Variants in USP42 observed in about 807,000 individuals in gnomAD.
USP42 encodes ubiquitin specific peptidase 42, also known as ubiquitin carboxyl-terminal hydrolase 42.
Under a neutral mutation model 113.0 loss-of-function variants are expected in USP42, and 23 were observed. The observed-to-expected ratio is 0.20, with a 90% CI of 0.15 to 0.29. The LOEUF is 0.29. Ranked by LOEUF, USP42 falls within the 10% of genes least tolerant of loss-of-function variation. The pLI, the probability that USP42 is intolerant of heterozygous loss-of-function variation, is 1.00. For synonymous variants in USP42, 933 were observed against 699.0 expected (o/e 1.33, Z -5.28); for missense variants, 2,174 against 1,779.8 (o/e 1.22, Z -3.99).
At position 6,131,989 on chromosome 7, in the gene USP42, G is replaced by A. The variant is rs189449046; in HGVS notation, c.443-3852G>A. On this transcript the variant is annotated intron_variant, in intron 3 of 17. Transcript: ENST00000306177. ...TCACTCTCACCCAGGCTAGAGTGCA[G>A]TGGTGTGATTATAGCTCATTGCAGC... 3.9e-5 allele frequency among the ~76,000 whole-genome samples: 6 copies of A among 152,328 alleles called. 1 individual carries two copies. The highest frequency in any genetic ancestry group is 1.3e-4 in the Admixed American group (2 of 15,298).
At chr7:6,103,246 A>G (rs1424918919), upstream of USP42, among the ~76,000 whole-genome samples, 2 of 151,020 alleles carry the variant, frequency 1.3e-5, no homozygotes, top group Non-Finnish European at 2.9e-5. Context: ...GTACAATGCT[A>G]GGATTTGAGA....
chr7:6,148,630 G>A lies in USP42; in HGVS notation c.1386+738G>A, dbSNP rs190856671. ...TACTCCCTGTTGGTCCTGTCGGGGCGAACAGTAGTGAGCTAGTGTCACAAG... is the reference window on the plus strand; with the variant it reads ...TACTCCCTGTTGGTCCTGTCGGGGCAAACAGTAGTGAGCTAGTGTCACAAG... On this transcript the variant is annotated intron_variant, in intron 12 of 17. Transcript: ENST00000306177. 1.9e-3 allele frequency among the ~76,000 whole-genome samples: 287 copies of A among 152,300 alleles called. 5 individuals are homozygous for A. Among genetic ancestry groups the A allele is most frequent in the Non-Finnish European group, 6.5e-4 (44 of 68,028 alleles).
chr7:6,153,883 C>T lies in USP42; in HGVS notation c.2329C>T (p.Pro777Ser), dbSNP rs779174997. ...AGLSSTKKAPPPRDPGTPATK... is the reference protein window; with the variant it reads ...AGLSSTKKAPSPRDPGTPATK... ...CCTCAGCAGCACCAAGAAGGCTCCG[C>T]CGCCCCGCGATCCCGGCACCCCCGC... is the stretch of plus-strand genomic sequence containing the variant. The change falls in exon 15 of 18, where the codon CCG (proline) becomes TCG (serine). Residue 777 changes from proline (P) to serine (S), a missense_variant. By Grantham distance (74) the Pro-to-Ser change is moderately conservative. Transcript: ENST00000306177. 6 of 1,569,114 alleles carry T rather than the reference C, an allele frequency of 3.8e-6. No homozygotes were observed. The highest frequency in any genetic ancestry group is 4.8e-5 in the East Asian group (2 of 41,784).
intron 3 of USP42, among the ~76,000 whole-genome samples, chr7:6,129,953 T>C (rs1459767108): frequency 6.6e-6 from 1 of 152,078 alleles, no homozygotes; most frequent in African/African-American, 2.4e-5. Context: ...GTTCTCAGTA[T>C]GATGAGTGAT....
In USP42 at chr7:6,154,582, G is replaced by A. The variant is rs143294703; in HGVS notation, c.3028G>A (p.Glu1010Lys). The change falls in exon 15 of 18, where the codon GAG becomes AAG. Residue 1010 changes from glutamate (E) to lysine (K), a missense_variant. Coordinates refer to ENST00000306177, the MANE Select transcript of USP42 (RefSeq NM_032172.3). Reference protein sequence around the residue: ...PGHGDRLSPGERRSLGRCSHH... With the variant: ...PGHGDRLSPGKRRSLGRCSHH... ...CCACGGCGACAGGCTCAGCCCTGGCGAGCGCCGCTCTCTGGGCAGGTGCAG... is the reference window on the plus strand; with the variant it reads ...CCACGGCGACAGGCTCAGCCCTGGCAAGCGCCGCTCTCTGGGCAGGTGCAG... 0.013 allele frequency: 20,300 copies of A among 1,565,388 alleles called. 165 individuals are homozygous for A. Among genetic ancestry groups the A allele is most frequent in the Non-Finnish European group, 0.016 (18,576 of 1,157,764 alleles).
rs1258065923 is a variant in USP42, at chr7:6,159,059, C to T, written c.3944-391C>T. ...GCCTTTCTTGTCCTTCTGAGAAGGCCGCTGCCCGGCCCCGCCTCACCCAGC... is the reference window on the plus strand; with the variant it reads ...GCCTTTCTTGTCCTTCTGAGAAGGCTGCTGCCCGGCCCCGCCTCACCCAGC... On this transcript the variant is annotated intron_variant, in intron 16 of 17. Coordinates refer to ENST00000306177, the MANE Select transcript of USP42 (RefSeq NM_032172.3). This position sits in a 1 kb window ranked among gnomAD's most constrained non-coding sequence, Gnocchi z 4.1. 1.3e-5 allele frequency among the ~76,000 whole-genome samples: 2 copies of T among 152,148 alleles called. No individual in the cohort carries two copies. The highest frequency in any genetic ancestry group is 2.9e-5 in the Non-Finnish European group (2 of 68,026).
rs1780439563 is a variant in USP42 at position 6,124,856 on chromosome 7, C to T, written c.442+9333C>T. Among the ~76,000 whole-genome samples, 3 of 151,790 alleles carry T rather than the reference C, an allele frequency of 2.0e-5. No homozygotes were observed. The South Asian group carries it at 6.2e-4, about 32-fold the overall frequency. ...TCATGGTGGTTACTTTAGGTTATAT[C>T]TTTAACGTATCAGTTTACCTTCAAA... On this transcript the variant is annotated intron_variant, in intron 3 of 17. Transcript: ENST00000306177.
chr7:6,135,229 T>G (rs1400695866), intron 3 of USP42, among the ~76,000 whole-genome samples: 1 of 152,180 alleles, frequency 6.6e-6, no homozygotes, highest in Non-Finnish European at 1.5e-5. Flanking sequence ...AAGAGTATGA[T>G]TTGAATCCAA....
intron 9 of USP42, 132 bp downstream of exon 9, chr7:6,144,328 A>C (rs1781586881): frequency 1.6e-6 from 1 of 619,962 alleles, no homozygotes; most frequent in Admixed American, 3.8e-5. Flanking sequence ...TTTGGGCTTC[A>C]TTGTCTGTTT....
At chr7:6,125,956 A>G (rs1489194739) in intron 3 of USP42, among the ~76,000 whole-genome samples, 1 of 152,086 alleles carries the variant, frequency 6.6e-6, no homozygotes, top group Admixed American at 6.6e-5. Flanking sequence ...AACCTCCCCC[A>G]GTGATAACAC....
At chr7:6,111,937 A>G (rs2128477492) in intron 2 of USP42, 1 of 152,818 alleles carries the variant, frequency 6.5e-6, no homozygotes, top group East Asian at 1.9e-4. Context: ...TTTTTTAAGA[A>G]TAAACTTTAT....
intron 3 of USP42, among the ~76,000 whole-genome samples, chr7:6,132,764 C>T (rs530739245): frequency 2.6e-4 from 39 of 151,950 alleles, no homozygotes; most frequent in African/African-American, 7.0e-4. Flanking sequence ...CTCCGCCTCC[C>T]GGGTTCACGC....
At chr7:6,132,732 C>T (rs746597902) in intron 3 of USP42, among the ~76,000 whole-genome samples, 3 of 148,962 alleles carry the variant, frequency 2.0e-5, no homozygotes, top group East Asian at 2.0e-4. Context: ...AGTGCAGCGT[C>T]GAGATCTCGG....
chr7:6,085,251 C>G, the USP42 span: 2 of 150,510 alleles, frequency 1.3e-5, no homozygotes, highest in Admixed American at 1.3e-4. Flanking sequence ...TCCAGAGTAG[C>G]TGGGACTACA....
upstream of USP42, among the ~76,000 whole-genome samples, chr7:6,101,925 A>C (rs1303420447): frequency 2.7e-5 from 2 of 73,336 alleles, no homozygotes; most frequent in Admixed American, 1.4e-4. Context: ...CTAAAACTAC[A>C]AAAAAAAAAA....
Position 6,111,359 on chromosome 7 carries a change from C to T in USP42, c.226C>T (p.Pro76Ser). Residue 76 changes from proline to serine, a missense_variant, in exon 2 of 18, where the codon CCA becomes TCA. Physicochemically the swap from Pro to Ser is moderately conservative, Grantham distance 74. Transcript: ENST00000306177. ...SSVPDKSKPS[P>S]QKDQALGDGI... ...TGTACCTGATAAATCAAAACCATCA[C>T]CACAAAAGGATCAAGGTACTGTTTT... 6.2e-7 allele frequency: 1 copy of T among 1,611,712 alleles called. No individual in the cohort carries two copies. Among genetic ancestry groups the T allele is most frequent in the Non-Finnish European group, 8.5e-7 (1 of 1,178,700 alleles).
intron 4 of USP42, 127 bp downstream of exon 4, chr7:6,136,078 C>T: frequency 1.8e-6 from 1 of 565,536 alleles, no homozygotes; most frequent in South Asian, 2.2e-5. Flanking sequence ...TATTTCGGCT[C>T]ACTGCAGCTT....
chr7:6,140,303 C>G (rs1360220517), intron 6 of USP42, 108 bp downstream of exon 6: 8 of 993,246 alleles, frequency 8.1e-6, no homozygotes, highest in Non-Finnish European at 1.2e-5. Context: ...GTGCTTCTCT[C>G]CAGCCCAGAT....
At position 6,149,953 on chromosome 7, in the gene USP42, A is replaced by C. The variant is rs1781944065; in HGVS notation, c.1757A>C (p.Glu586Ala). Residue 586 changes from glutamate to alanine, a missense_variant, in exon 13 of 18, where the codon GAA (glutamate) becomes GCA (alanine). Coordinates refer to ENST00000306177, the MANE Select transcript of USP42 (RefSeq NM_032172.3). ...GTAACAAAACCGATCCCCCGCAGTG[A>C]ATCCTGCTCCCAGCCCGTGATGAAT... is the stretch of plus-strand genomic sequence containing the variant. ...SKVTKPIPRSESCSQPVMNGK... is the reference protein window; with the variant it reads ...SKVTKPIPRSASCSQPVMNGK... 1 of 1,614,008 alleles carries C rather than the reference A, an allele frequency of 6.2e-7. No homozygotes were observed. Among genetic ancestry groups the C allele is most frequent in the Non-Finnish European group, 8.5e-7 (1 of 1,179,896 alleles).
Sources: gnomAD v4.1 joint callset for allele counts (sites outside exome capture counted in the v4.1 genomes callset) on GRCh38, gnomAD v4.1.1 for gene constraint, Gnocchi (gnomAD v3.1) non-coding constraint, MANE v1.5 for transcripts, NCBI Gene and HGNC (gene_info 2026-07-23, HGNC 2026-07-21) for gene names.